Variants in PACRG observed in about 807,000 individuals in gnomAD.
The protein encoded by PACRG is parkin coregulated gene protein.
In PACRG, 29 loss-of-function variants were observed where a neutral mutation model predicts 29.7. The ratio of observed to expected loss-of-function variants is 0.98; its 90% confidence interval spans 0.73 to 1.33. The LOEUF is 1.33. PACRG is among the 40% of genes most tolerant of loss of function. The pLI is 0.00. For missense variants in PACRG, 279 were observed against 316.2 expected (o/e 0.88, Z 0.89); for synonymous variants, 116 against 118.7 (o/e 0.98, Z 0.15).
At chr6:163,264,012 C>T (rs920804706) in intron 4 of PACRG, among the ~76,000 whole-genome samples, 5 of 152,156 alleles carry the variant, frequency 3.3e-5, no homozygotes, top group East Asian at 1.9e-4. Context: ...TTTCCCCAGC[C>T]TCTGCCAGTG....
chr6:162,968,292 A>G lies in PACRG; in HGVS notation c.292-93858A>G, dbSNP rs568394721. Among the ~76,000 whole-genome samples, 54 of 152,350 alleles carry G rather than the reference A, an allele frequency of 3.5e-4. 1 individual carries two copies. In the South Asian group the frequency reaches 0.011, roughly 30 times the overall value. On this transcript the variant is annotated intron_variant, in intron 2 of 4. Coordinates refer to ENST00000366888, the MANE Select transcript of PACRG (RefSeq NM_001080379.2). ...AATAGCATTGGTTGTTCAAAATTCAAGATATGCGTGTGTACATTAGCCTAA... is the reference window on the plus strand; with the variant it reads ...AATAGCATTGGTTGTTCAAAATTCAGGATATGCGTGTGTACATTAGCCTAA...
intron 3 of PACRG, among the ~76,000 whole-genome samples, chr6:163,076,059 A>G (rs1306893179): frequency 3.3e-5 from 5 of 152,168 alleles, no homozygotes; most frequent in Admixed American, 6.5e-5. Context: ...CAACCTTAAC[A>G]GGGCCACAAC....
chr6:162,946,694 A>G (rs948193925), intron 2 of PACRG, among the ~76,000 whole-genome samples: 1 of 152,114 alleles, frequency 6.6e-6, no homozygotes, highest in Non-Finnish European at 1.5e-5. Context: ...AAAGAAAACT[A>G]CAGACCGGAT....
At chr6:162,740,876 T>C (rs921059094) in intron 1 of PACRG, among the ~76,000 whole-genome samples, 1 of 151,716 alleles carries the variant, frequency 6.6e-6, no homozygotes, top group Non-Finnish European at 1.5e-5. Flanking sequence ...TGGGATTACA[T>C]GCATGAGCCA....
intron 2 of PACRG, among the ~76,000 whole-genome samples, chr6:162,859,624 G>C (rs1791688091): frequency 6.6e-6 from 1 of 152,070 alleles, no homozygotes; most frequent in Non-Finnish European, 1.5e-5. Flanking sequence ...AACCTAGAAA[G>C]GCCACTTTCT....
chr6:162,874,424 T>C (rs1793115152), intron 2 of PACRG, among the ~76,000 whole-genome samples: 1 of 152,108 alleles, frequency 6.6e-6, no homozygotes, highest in Non-Finnish European at 1.5e-5. Flanking sequence ...ATCTTCCTTC[T>C]TAGAGTGATA....
chr6:163,075,577 A>G (rs1195551212), intron 3 of PACRG, among the ~76,000 whole-genome samples: 1 of 152,222 alleles, frequency 6.6e-6, no homozygotes, highest in African/African-American at 2.4e-5. Flanking sequence ...GTTTTATTTC[A>G]GGAGTATAAG....
rs373249579 is a variant in PACRG at position 163,167,119 on chromosome 6, C to T, written c.613+77711C>T. Among the ~76,000 whole-genome samples, 25 of 152,284 alleles carry T rather than the reference C, an allele frequency of 1.6e-4. No individual in the cohort carries two copies. In the East Asian group the frequency reaches 4.6e-3, roughly 28 times the overall value. On this transcript the variant is annotated intron_variant, in intron 4 of 4. Transcript: ENST00000366888. ...TGCAAAAGGAGGGCTAAAATGTCTG[C>T]ACAATCAAAAAAGCTGTTGTTCCAG... is the stretch of plus-strand genomic sequence containing the variant.
At chr6:163,002,723 A>G (rs1804700148) in intron 2 of PACRG, among the ~76,000 whole-genome samples, 1 of 152,194 alleles carries the variant, frequency 6.6e-6, no homozygotes, top group African/African-American at 2.4e-5. Flanking sequence ...AGATTACTGT[A>G]GATAATCAAG....
intron 2 of PACRG, among the ~76,000 whole-genome samples, chr6:162,893,713 C>T (rs1047043253): frequency 2.0e-5 from 3 of 152,190 alleles, no homozygotes; most frequent in African/African-American, 7.2e-5. Context: ...AGCACTCCGA[C>T]GGCTATGCAG....
At chr6:163,107,460 A>G (rs776867377) in intron 4 of PACRG, among the ~76,000 whole-genome samples, 11 of 152,216 alleles carry the variant, frequency 7.2e-5, no homozygotes, top group Admixed American at 2.0e-4. Flanking sequence ...TCAACCCTCA[A>G]CGAGTGGGCA....
chr6:163,226,171 A>G (rs568437502), intron 4 of PACRG, among the ~76,000 whole-genome samples: 3 of 152,256 alleles, frequency 2.0e-5, no homozygotes, highest in Non-Finnish European at 4.4e-5. Context: ...TCATAGAAGC[A>G]GAGAGTAGAA....
At chr6:162,986,658 C>A (rs1227826936) in intron 2 of PACRG, among the ~76,000 whole-genome samples, 2 of 152,140 alleles carry the variant, frequency 1.3e-5, no homozygotes, top group East Asian at 3.8e-4. Flanking sequence ...TAAGCAAAGA[C>A]TTCATGACCA....
At chr6:162,835,400 T>C (rs939868918) in intron 2 of PACRG, among the ~76,000 whole-genome samples, 1 of 152,156 alleles carries the variant, frequency 6.6e-6, no homozygotes, top group African/African-American at 2.4e-5. Flanking sequence ...TATTGCTATT[T>C]GTAATTAATA....
At chr6:162,862,240 C>T (rs1791921086) in intron 2 of PACRG, among the ~76,000 whole-genome samples, 1 of 152,144 alleles carries the variant, frequency 6.6e-6, no homozygotes, top group Non-Finnish European at 1.5e-5. Flanking sequence ...CCCCCTTGTA[C>T]CACCTTTCAC....
rs369201707 is a variant in PACRG, at chr6:163,220,117, G to A, written c.614-94710G>A. Among the ~76,000 whole-genome samples the A allele has an allele frequency of 5.5e-4, 83 of 152,214 alleles. 1 individual carries two copies. The East Asian group carries it at 0.01, about 18-fold the overall frequency. On this transcript the variant is annotated intron_variant, in intron 4 of 4. Transcript: ENST00000366888. ...CCGTCTTTTCACCACCACCTGCCCA[G>A]AATCCAGAACAGAGCTGCACATAAA...
At chr6:163,313,098 G>A (rs536764163) in intron 4 of PACRG, among the ~76,000 whole-genome samples, 1 of 146,140 alleles carries the variant, frequency 6.8e-6, no homozygotes, top group East Asian at 2.0e-4. Context: ...TCATTCGTGT[G>A]TGTATATATA....
At chr6:162,819,811 C>A (rs1183691251) in intron 2 of PACRG, among the ~76,000 whole-genome samples, 3 of 152,056 alleles carry the variant, frequency 2.0e-5, no homozygotes, top group Non-Finnish European at 4.4e-5. Context: ...AAATTATGAG[C>A]ATTCAAATAA....
chr6:163,265,106 G>A (rs558081140), intron 4 of PACRG, among the ~76,000 whole-genome samples: 220 of 152,330 alleles, frequency 1.4e-3, no homozygotes, highest in African/African-American at 5.1e-3. Context: ...CACTCCTGCT[G>A]GGTGAATGAA....
Sources: allele counts gnomAD v4.1 joint callset (sites outside exome capture counted in the v4.1 genomes callset), GRCh38; gene constraint gnomAD v4.1.1; transcripts MANE v1.5; gene names NCBI Gene and HGNC (gene_info 2026-07-23, HGNC 2026-07-21).